The following GALNT13 variants were observed in gnomAD, a reference collection of about 807,000 sequenced individuals.
GALNT13 encodes polypeptide N-acetylgalactosaminyltransferase 13.
In GALNT13, 28 loss-of-function variants were observed where a neutral mutation model predicts 64.2. The ratio of observed to expected loss-of-function variants is 0.44; its 90% CI spans 0.32 to 0.60. The LOEUF (loss-of-function observed/expected upper bound fraction) is 0.60, where lower values mean the gene tolerates loss of function less well. Ranked by LOEUF, GALNT13 falls within the 20% of genes least tolerant of loss-of-function variation. GALNT13 has a pLI of 0.05. For synonymous variants in GALNT13, 214 were observed against 224.6 expected (o/e 0.95, Z 0.42); for missense variants, 577 against 669.8 (o/e 0.86, Z 1.53).
At chr2:153,965,408 A>T (rs13401286) in intron 3 of GALNT13, among the ~76,000 whole-genome samples, 18,418 of 151,798 alleles carry the variant, frequency 0.12, 1,937 homozygotes, top group African/African-American at 0.28. Context: ...CATGGGATCA[A>T]TTTTTTTTAA....
the GALNT13 span, among the ~76,000 whole-genome samples, chr2:153,560,541 C>G: frequency 6.6e-6 from 1 of 152,028 alleles, no homozygotes; most frequent in Admixed American, 6.6e-5. Flanking sequence ...AAATTCTATA[C>G]ATTTCCACAT....
At chr2:153,649,644 G>C in the GALNT13 span, among the ~76,000 whole-genome samples, 1 of 152,078 alleles carries the variant, frequency 6.6e-6, no homozygotes, top group African/African-American at 2.4e-5. Flanking sequence ...AAATGTGTCT[G>C]ATAGATTCTG....
At chr2:154,339,421 T>C (rs115562177) in intron 9 of GALNT13, among the ~76,000 whole-genome samples, 2,642 of 152,184 alleles carry the variant, frequency 0.017, 73 homozygotes, top group African/African-American at 0.06. Context: ...GTACTTTAGG[T>C]TAGAATTAAC....
chr2:153,353,170 T>C, the GALNT13 span, among the ~76,000 whole-genome samples: 2 of 152,054 alleles, frequency 1.3e-5, no homozygotes, highest in African/African-American at 4.8e-5. Context: ...ATAGATCATA[T>C]TCATATTTCA....
chr2:154,034,125 A>G (rs561353133), intron 3 of GALNT13, among the ~76,000 whole-genome samples: 41 of 152,250 alleles, frequency 2.7e-4, no homozygotes, highest in African/African-American at 8.7e-4. Flanking sequence ...CAAGGTATAT[A>G]CTCAAGAGAA....
At chr2:154,299,729 C>T (rs571690215) in intron 8 of GALNT13, among the ~76,000 whole-genome samples, 9 of 151,534 alleles carry the variant, frequency 5.9e-5, no homozygotes, top group Non-Finnish European at 1.3e-4. Context: ...TCCCAAAGTG[C>T]TGGGATTACA....
At chr2:154,133,674 T>C (rs1234396359) in intron 3 of GALNT13, among the ~76,000 whole-genome samples, 1 of 150,254 alleles carries the variant, frequency 6.7e-6, no homozygotes, top group Admixed American at 6.7e-5. Flanking sequence ...GTCTACAAAT[T>C]GCCTTCTACT....
chr2:154,376,106 T>C (rs866721507), intron 9 of GALNT13, among the ~76,000 whole-genome samples: 1 of 152,178 alleles, frequency 6.6e-6, no homozygotes, highest in Non-Finnish European at 1.5e-5. Context: ...AACAGTTAAA[T>C]ACCCAACAAA....
chr2:154,428,582 T>A (rs1316169139), intron 11 of GALNT13, among the ~76,000 whole-genome samples: 1 of 152,214 alleles, frequency 6.6e-6, no homozygotes, highest in Admixed American at 6.5e-5. Context: ...CTCTTTGCTT[T>A]ATTGTGCTTC....
At chr2:154,285,852 A>C (rs1282310097) in intron 8 of GALNT13, among the ~76,000 whole-genome samples, 1 of 152,054 alleles carries the variant, frequency 6.6e-6, no homozygotes, top group Non-Finnish European at 1.5e-5. Flanking sequence ...ATATATTTTT[A>C]TTTATCTATG....
At chr2:153,478,596 C>T in the GALNT13 span, 2 of 1,511,052 alleles carry the variant, frequency 1.3e-6, no homozygotes, top group African/African-American at 2.8e-5. Context: ...GCGAGCGGCG[C>T]GGGTCCGAGG....
At chr2:153,843,766 C>T in the GALNT13 span, among the ~76,000 whole-genome samples, 1 of 152,118 alleles carries the variant, frequency 6.6e-6, no homozygotes, top group African/African-American at 2.4e-5. Context: ...ATCCCATTCC[C>T]AAAGTGAGAA....
chr2:153,782,308 T>C, the GALNT13 span, among the ~76,000 whole-genome samples: 4 of 152,204 alleles, frequency 2.6e-5, no homozygotes, highest in African/African-American at 9.7e-5. Flanking sequence ...CAGTTGTATC[T>C]TACACAAGCT....
the GALNT13 span, among the ~76,000 whole-genome samples, chr2:153,669,191 T>G: frequency 6.6e-6 from 1 of 151,916 alleles, no homozygotes; most frequent in Admixed American, 6.6e-5. Context: ...ATCTGCACCC[T>G]CCCCCAACCA....
At chr2:154,126,885 A>G (rs1474003223) in intron 3 of GALNT13, among the ~76,000 whole-genome samples, 1 of 152,072 alleles carries the variant, frequency 6.6e-6, no homozygotes, top group Admixed American at 6.5e-5. Flanking sequence ...GGGAAAAAAG[A>G]GGCCAGAGTG....
At chr2:153,937,136 T>C (rs1690994618) in intron 2 of GALNT13, among the ~76,000 whole-genome samples, 1 of 152,216 alleles carries the variant, frequency 6.6e-6, no homozygotes, top group South Asian at 2.1e-4. Context: ...CCTAGGTATA[T>C]ACCCACGAAC....
Position 153,975,375 on chromosome 2 carries a change from A to G in GALNT13, c.142+30736A>G, listed in dbSNP as rs78460265. 2.8e-3 allele frequency among the ~76,000 whole-genome samples: 419 copies of G among 152,124 alleles called. 1 individual carries two copies. Among genetic ancestry groups the G allele is most frequent in the African/African-American group, 9.5e-3 (395 of 41,554 alleles). On this transcript the variant is annotated intron_variant, in intron 3 of 12. Transcript: ENST00000392825. ...TAATATGCATCCTGACCTGAGAACTACTGACTTACATGGTCTGGCACATGC... is the reference window on the plus strand; with the variant it reads ...TAATATGCATCCTGACCTGAGAACTGCTGACTTACATGGTCTGGCACATGC...
the GALNT13 span, among the ~76,000 whole-genome samples, chr2:153,213,541 T>C: frequency 9.2e-5 from 14 of 152,180 alleles, no homozygotes; most frequent in Non-Finnish European, 1.8e-4. Context: ...TATGTACTTA[T>C]TACACCAGAT....
intron 3 of GALNT13, among the ~76,000 whole-genome samples, chr2:153,960,926 A>G (rs770367315): frequency 1.6e-4 from 25 of 152,158 alleles, no homozygotes; most frequent in Non-Finnish European, 2.4e-4. Context: ...GTCATTTAAA[A>G]TTTTTACGTT....
Sources: allele counts gnomAD v4.1 joint callset (sites outside exome capture counted in the v4.1 genomes callset), GRCh38; gene constraint gnomAD v4.1.1; transcripts MANE v1.5; gene names NCBI Gene and HGNC (gene_info 2026-07-23, HGNC 2026-07-21).